The following UBR4 variants were observed in gnomAD, a reference collection of about 807,000 sequenced individuals.
UBR4 encodes the protein ubiquitin protein ligase E3 component n-recognin 4, also known as E3 ubiquitin-protein ligase UBR4.
In UBR4, 124 loss-of-function variants were observed where a neutral mutation model predicts 575.6. That is an observed-to-expected ratio of 0.22 (90% CI 0.19 to 0.25). The LOEUF (loss-of-function observed/expected upper bound fraction) is 0.25. UBR4 is among the 10% of genes least tolerant of loss of function. UBR4 has a pLI of 1.00. For synonymous variants in UBR4, 2,455 were observed against 2,473.7 expected, an observed-to-expected ratio of 0.99 and a Z score of 0.22; for missense variants, 4,818 against 6,478.8, an observed-to-expected ratio of 0.74 and a Z score of 8.80.
rs1394728787 is a variant in UBR4 at position 19,155,597 on chromosome 1, A to T, written c.6144T>A (p.Asp2048Glu). Residue 2048 changes from aspartate to glutamate, a missense_variant, in exon 43 of 106, where the codon GAT (aspartate) becomes GAA (glutamate). Physicochemically the swap from Asp to Glu is conservative, Grantham distance 45 (BLOSUM62 2). Transcript: ENST00000375254. Reference sequence around the variant, plus strand: ...CCTCCTCATTGAAAAGGAAGGTAACATCTCTTATCTTTGAGCTTGGCAGGA... The same window carrying T: ...CCTCCTCATTGAAAAGGAAGGTAACTTCTCTTATCTTTGAGCTTGGCAGGA... Reference protein sequence around the residue: ...YFLLPSSKIRDVTFLFNEEGK... With the variant: ...YFLLPSSKIREVTFLFNEEGK... 6.2e-7 allele frequency: 1 copy of T among 1,614,082 alleles called. No individual in the cohort carries two copies. Among genetic ancestry groups the T allele is most frequent in the African/African-American group, 1.3e-5 (1 of 74,932 alleles).
At chr1:19,101,988 T>A (rs1349798399) in intron 87 of UBR4, among the ~76,000 whole-genome samples, 3 of 152,220 alleles carry the variant, frequency 2.0e-5, no homozygotes, top group Non-Finnish European at 4.4e-5. Flanking sequence ...AAATGTCAAA[T>A]AATCCTGTGT....
At chr1:19,121,120 C>T in intron 68 of UBR4, 69 bp downstream of exon 68, 2 of 1,566,794 alleles carry the variant, frequency 1.3e-6, no homozygotes, top group South Asian at 2.4e-5. Context: ...TACAACAGGA[C>T]AAACCATGTG....
intron 88 of UBR4, 108 bp downstream of exon 88, chr1:19,101,412 C>T: frequency 7.2e-7 from 1 of 1,396,336 alleles, no homozygotes. Flanking sequence ...GACTAAGTGG[C>T]CCACAGCTGG....
At chr1:19,172,595 T>C (rs1436589883) in intron 25 of UBR4, among the ~76,000 whole-genome samples, 1 of 152,172 alleles carries the variant, frequency 6.6e-6, no homozygotes, top group Non-Finnish European at 1.5e-5. Context: ...AATGACAGTG[T>C]TTTGAAAAAT....
intron 48 of UBR4, 22 bp downstream of exon 48, chr1:19,151,621 G>A: frequency 6.2e-7 from 1 of 1,612,822 alleles, no homozygotes; most frequent in Non-Finnish European, 8.5e-7. Context: ...GACAGAGTCT[G>A]CACCAGGGGT....
At chr1:19,096,728 C>T (rs1202051332) in intron 91 of UBR4, 78 bp from the exon 92 acceptor site, 3 of 1,545,122 alleles carry the variant, frequency 1.9e-6, no homozygotes, top group East Asian at 2.3e-5. Context: ...TAAGACAGCC[C>T]TATTCCTGGC....
At chr1:19,106,090 A>T (rs1570539695) in intron 83 of UBR4, among the ~76,000 whole-genome samples, 1 of 152,332 alleles carries the variant, frequency 6.6e-6, no homozygotes, top group South Asian at 2.1e-4. Context: ...ACATACCTAC[A>T]ATAAGTGAAG....
At chr1:19,204,700 A>T (rs2092922082) in intron 1 of UBR4, among the ~76,000 whole-genome samples, 1 of 152,186 alleles carries the variant, frequency 6.6e-6, no homozygotes, top group Non-Finnish European at 1.5e-5. Flanking sequence ...GGCAGAGGAA[A>T]AATGGAACGG....
At chr1:19,115,147 T>C (rs1301522496) in intron 74 of UBR4, among the ~76,000 whole-genome samples, 198 bp from the exon 75 acceptor site, 1 of 151,796 alleles carries the variant, frequency 6.6e-6, no homozygotes, top group African/African-American at 2.4e-5. Context: ...TGGACCTCCC[T>C]CCGCCCTTAC....
At position 19,121,993 on chromosome 1, in the gene UBR4, C is replaced by T. The variant is rs1189782028; in HGVS notation, c.9836G>A (p.Cys3279Tyr). Residue 3279 changes from cysteine to tyrosine, a missense_variant, in exon 67 of 106, where the codon TGT (cysteine) becomes TAT (tyrosine). Coordinates refer to ENST00000375254, the MANE Select transcript of UBR4 (RefSeq NM_020765.3). ...GGTTCGCTGGGCGGCAATCTCTGCACAGGCTTTCAGGTGCTCCATCTGAAA... is the reference window on the plus strand; with the variant it reads ...GGTTCGCTGGGCGGCAATCTCTGCATAGGCTTTCAGGTGCTCCATCTGAAA... ...LISLMEHLKA[C>Y]AEIAAQRTIN... 6.2e-7 allele frequency: 1 copy of T among 1,614,162 alleles called. No homozygotes were observed. The highest frequency in any genetic ancestry group is 1.1e-5 in the South Asian group (1 of 91,086).
At chr1:19,197,120 C>T (rs552535276) in intron 8 of UBR4, 21 bp downstream of exon 8, 1 of 1,611,306 alleles carries the variant, frequency 6.2e-7, no homozygotes, top group South Asian at 1.1e-5. Context: ...GAAAATGAGA[C>T]CAGATATAAT....
chr1:19,169,586 G>A, intron 26 of UBR4, 54 bp from the exon 27 acceptor site: 2 of 1,518,550 alleles, frequency 1.3e-6, no homozygotes, highest in Non-Finnish European at 1.8e-6. Context: ...GAACGACACA[G>A]AGCATTTTAA....
At chr1:19,079,848 G>A (rs2076314573) in intron 103 of UBR4, 1 of 152,232 alleles carries the variant, frequency 6.6e-6, no homozygotes, top group Non-Finnish European at 1.5e-5. Context: ...GAAATCCTGA[G>A]TGACCCTGCC....
chr1:19,126,669 A>G lies in UBR4; in HGVS notation c.9229-14T>C, dbSNP rs751528820. On this transcript the variant is annotated splice_polypyrimidine_tract_variant and intron_variant, in intron 63 of 105. Transcript: ENST00000375254. The stretch of plus-strand genomic sequence containing the variant: ...GAGGGAAGATGACTGGGAGACAGAG[A>G]AAATACAGAGATGGGAAGAATGGCT... 4 of 1,611,772 alleles carry G rather than the reference A, an allele frequency of 2.5e-6. No homozygotes were observed. In the African/African-American group the frequency reaches 5.3e-5, roughly 22 times the overall value.
intron 41 of UBR4, 152 bp downstream of exon 41, chr1:19,156,615 G>A: frequency 7.6e-7 from 1 of 1,310,370 alleles, no homozygotes; most frequent in Non-Finnish European, 1.0e-6. Context: ...GAAAGATCTG[G>A]GAGAAATTCA....
At chr1:19,164,197 T>TA in intron 33 of UBR4, 56 bp downstream of exon 33, 1 of 1,553,910 alleles carries the variant, frequency 6.4e-7, no homozygotes. Context: ...ATAAAGAAAG[T>TA]AACCCACTTC....
intron 81 of UBR4, among the ~76,000 whole-genome samples, chr1:19,107,932 C>T (rs770884454): frequency 2.6e-5 from 4 of 152,112 alleles, no homozygotes; most frequent in Admixed American, 6.5e-5. Flanking sequence ...CACTGTTTTA[C>T]ATTTTTGATA....
At chr1:19,151,099 C>T (rs565076323) in intron 48 of UBR4, 5 of 434,082 alleles carry the variant, frequency 1.2e-5, no homozygotes, top group Non-Finnish European at 2.1e-5. Context: ...GGGGTCTCTA[C>T]ACACTTTCTT....
intron 48 of UBR4, chr1:19,151,153 T>A: frequency 2.9e-6 from 1 of 339,000 alleles, no homozygotes; most frequent in Non-Finnish European, 5.5e-6. Context: ...ACAGCAACTA[T>A]ATCTAGAAGA....
Sources: allele counts gnomAD v4.1 joint callset (sites outside exome capture counted in the v4.1 genomes callset), GRCh38; gene constraint gnomAD v4.1.1; transcripts MANE v1.5; gene names NCBI Gene and HGNC (gene_info 2026-07-23, HGNC 2026-07-21).